Variants in CEP83 observed in about 807,000 individuals in gnomAD.
CEP83 encodes the protein centrosomal protein 83.
A neutral mutation model predicts 101.9 loss-of-function variants in CEP83; 70 were observed. The ratio of observed to expected loss-of-function variants is 0.69; its 90% CI spans 0.57 to 0.84. CEP83 has a LOEUF of 0.84. Among genes scored for constraint, CEP83 ranks in the 40% least tolerant of loss-of-function variants. CEP83 has a pLI of 0.00. For missense variants in CEP83, 715 were observed against 787.2 expected, an observed-to-expected ratio of 0.91 and a Z score of 1.10; for synonymous variants, 264 against 267.9, an observed-to-expected ratio of 0.99 and a Z score of 0.14.
intron 11 of CEP83, chr12:94,361,543 C>G (rs956046965): frequency 3.3e-5 from 5 of 151,984 alleles, no homozygotes; most frequent in African/African-American, 1.2e-4. Flanking sequence ...AATACAAAAA[C>G]AAAATAAATG....
At chr12:94,378,170 CACTAAGA>C (rs969023620) in intron 7 of CEP83, among the ~76,000 whole-genome samples, 13 of 151,994 alleles carry the variant, frequency 8.6e-5, no homozygotes, top group African/African-American at 3.1e-4. Context: ...ACAAGTTAGG[CACTAAGA>C]ACTAAGAAGA....
chr12:94,379,004 GT>G lies in CEP83; in HGVS notation c.587del (p.Asn196ThrfsTer29). ...RLEEDKEELR[N>X]QLLNVDLTKD... ...TTGTGAGATCAACATTAAGCAGCTG[GT>G]TACGTAGTTCTTCTTTATCTTCCTC... On this transcript the variant is annotated frameshift_variant, in exon 7 of 17. Transcript: ENST00000397809. LOFTEE classifies it high-confidence loss of function. The G allele has an allele frequency of 6.2e-7, 1 of 1,612,056 alleles. No individual in the cohort carries two copies. The highest frequency in any genetic ancestry group is 8.5e-7 in the Non-Finnish European group (1 of 1,178,528).
chr12:94,293,632 G>A, the CEP83 span, among the ~76,000 whole-genome samples: 1 of 152,130 alleles, frequency 6.6e-6, no homozygotes, highest in African/African-American at 2.4e-5. Context: ...TTCCTCCTCT[G>A]TTTAGAGACA....
At chr12:94,288,607 G>A in the CEP83 span, among the ~76,000 whole-genome samples, 2 of 152,246 alleles carry the variant, frequency 1.3e-5, no homozygotes, top group African/African-American at 4.8e-5. Flanking sequence ...ACCAGCCTGT[G>A]GAGGATGTTC....
intron 6 of CEP83, 68 bp downstream of exon 6, chr12:94,400,782 A>T (rs1265546796): frequency 1.0e-6 from 1 of 985,854 alleles, no homozygotes; most frequent in African/African-American, 1.7e-5. Flanking sequence ...AAATTTTTAA[A>T]AATATATAAT....
intron 1 of CEP83, among the ~76,000 whole-genome samples, chr12:94,452,374 G>A (rs1206387174): frequency 6.6e-6 from 1 of 152,098 alleles, no homozygotes; most frequent in East Asian, 1.9e-4. Flanking sequence ...AAAGGGCTAG[G>A]TAGAAGAAAG....
rs185599404 is a variant in CEP83, at chr12:94,314,612, G to A, written c.1708-1595C>T. On this transcript the variant is annotated intron_variant, in intron 14 of 16. Transcript: ENST00000397809. ...ACCTAGTATATTCACTCAGTACACCGTTAAGGGTTATCTGCATTATTTCCA... is the reference window on the plus strand; with the variant it reads ...ACCTAGTATATTCACTCAGTACACCATTAAGGGTTATCTGCATTATTTCCA... Among the ~76,000 whole-genome samples the A allele has an allele frequency of 5.9e-5, 9 of 152,208 alleles. No individual in the cohort carries two copies. In the East Asian group the frequency reaches 1.5e-3, roughly 26 times the overall value.
chr12:94,456,773 G>A (rs139414738), intron 1 of CEP83, among the ~76,000 whole-genome samples: 1 of 152,258 alleles, frequency 6.6e-6, no homozygotes, highest in African/African-American at 2.4e-5. Context: ...ATAATTCAAG[G>A]TGAGATTTGG....
chr12:94,363,948 A>C (rs914490530), intron 11 of CEP83, among the ~76,000 whole-genome samples: 3 of 120,570 alleles, frequency 2.5e-5, no homozygotes, highest in African/African-American at 9.7e-5. Flanking sequence ...ACGCTGTCTC[A>C]AAAAAAAAAA....
intron 6 of CEP83, among the ~76,000 whole-genome samples, chr12:94,387,903 T>C (rs1006399339): frequency 2.6e-5 from 4 of 151,640 alleles, no homozygotes; most frequent in African/African-American, 2.4e-5. Flanking sequence ...CCAGTCAGAA[T>C]AGCTATTACT....
At chr12:94,412,145 C>G (rs74757516) in intron 3 of CEP83, among the ~76,000 whole-genome samples, 173 bp downstream of exon 3, 2 of 152,132 alleles carry the variant, frequency 1.3e-5, no homozygotes, top group African/African-American at 4.8e-5. Context: ...TGATATCATA[C>G]TTAGTTTGGA....
chr12:94,320,297 C>T (rs1198107894), intron 14 of CEP83, among the ~76,000 whole-genome samples: 3 of 152,108 alleles, frequency 2.0e-5, no homozygotes, highest in East Asian at 3.9e-4. Context: ...TTTTATCCAG[C>T]TTGCCACTCT....
chr12:94,367,168 T>A (rs1460920170), intron 11 of CEP83, among the ~76,000 whole-genome samples: 2 of 152,050 alleles, frequency 1.3e-5, no homozygotes, highest in Admixed American at 6.6e-5. Context: ...AATGGAAGAT[T>A]ATATAAAGGC....
chr12:94,366,690 A>T (rs551417605), intron 11 of CEP83, among the ~76,000 whole-genome samples: 1 of 152,220 alleles, frequency 6.6e-6, no homozygotes, highest in Non-Finnish European at 1.5e-5. Flanking sequence ...AGAAGCAATG[A>T]CTCTCTAGTA....
downstream of CEP83, chr12:94,306,906 T>G (rs930689680): frequency 6.6e-6 from 1 of 152,078 alleles, no homozygotes; most frequent in South Asian, 2.1e-4. Flanking sequence ...AACTACCAAA[T>G]AGATGACAGA....
At chr12:94,332,997 C>A (rs1197639909) in intron 13 of CEP83, among the ~76,000 whole-genome samples, 1 of 148,296 alleles carries the variant, frequency 6.7e-6, no homozygotes, top group Non-Finnish European at 1.5e-5. Context: ...ATCATTTTAT[C>A]CCTACCAGTT....
chr12:94,330,530 A>G (rs2059155614), intron 14 of CEP83, among the ~76,000 whole-genome samples: 1 of 152,370 alleles, frequency 6.6e-6, no homozygotes, highest in Non-Finnish European at 1.5e-5. Context: ...GGAGAAAAGT[A>G]TGCCTGCAAA....
intron 1 of CEP83, among the ~76,000 whole-genome samples, chr12:94,438,170 G>A (rs1237883022): frequency 6.6e-6 from 1 of 151,566 alleles, no homozygotes; most frequent in Admixed American, 6.6e-5. Context: ...AGTGAGCCGA[G>A]ATCATGTCAT....
intron 11 of CEP83, among the ~76,000 whole-genome samples, chr12:94,343,253 T>C (rs1477479914): frequency 1.3e-5 from 2 of 151,934 alleles, no homozygotes; most frequent in Non-Finnish European, 2.9e-5. Context: ...ATGTCCAGAA[T>C]GCGAACTTAA....
Sources: gnomAD v4.1 joint callset for allele counts (sites outside exome capture counted in the v4.1 genomes callset) on GRCh38, gnomAD v4.1.1 for gene constraint, MANE v1.5 for transcripts, NCBI Gene and HGNC (gene_info 2026-07-23, HGNC 2026-07-21) for gene names.